Variants in LINGO2 observed in about 807,000 individuals in gnomAD.
LINGO2 encodes the protein leucine rich repeat and Ig domain containing 2, also known as leucine-rich repeat and immunoglobulin-like domain-containing nogo receptor-interacting protein 2.
Under a neutral mutation model 30.6 loss-of-function variants are expected in LINGO2, and 14 were observed. The ratio of observed to expected loss-of-function variants is 0.46; its 90% CI spans 0.30 to 0.72. The LOEUF (loss-of-function observed/expected upper bound fraction) is 0.72, where lower values mean the gene tolerates loss of function less well. Among genes scored for constraint, LINGO2 ranks in the 30% least tolerant of loss-of-function variants. The pLI is 0.07. For missense variants in LINGO2, 729 were observed against 751.7 expected, an observed-to-expected ratio of 0.97 and a Z score of 0.35; for synonymous variants, 317 against 288.5, an observed-to-expected ratio of 1.10 and a Z score of -1.00.
chr9:28,869,782 C>T, the LINGO2 span, among the ~76,000 whole-genome samples: 2 of 151,990 alleles, frequency 1.3e-5, no homozygotes, highest in Non-Finnish European at 2.9e-5. Flanking sequence ...TCCTTCAACA[C>T]TGCAACTCCC....
the LINGO2 span, among the ~76,000 whole-genome samples, chr9:29,045,319 G>C: frequency 1.8e-4 from 28 of 152,196 alleles, no homozygotes; most frequent in Admixed American, 1.7e-3. Flanking sequence ...AAGAGAAATG[G>C]TGGACAAAAG....
At chr9:28,100,753 T>C (rs776937556) in intron 4 of LINGO2, among the ~76,000 whole-genome samples, 6 of 152,320 alleles carry the variant, frequency 3.9e-5, no homozygotes, top group Non-Finnish European at 7.4e-5. Flanking sequence ...TGAATTGTCT[T>C]GCCTTCCTTG....
chr9:28,707,365 C>A, the LINGO2 span, among the ~76,000 whole-genome samples: 1 of 152,036 alleles, frequency 6.6e-6, no homozygotes, highest in South Asian at 2.1e-4. Flanking sequence ...CCCCATTGAC[C>A]ATTAGATAAA....
At chr9:28,233,085 A>G (rs1483726698) in intron 4 of LINGO2, among the ~76,000 whole-genome samples, 2 of 143,022 alleles carry the variant, frequency 1.4e-5, no homozygotes, top group African/African-American at 5.2e-5. Context: ...GATATACAGT[A>G]AACATTTTAA....
At chr9:28,911,366 C>T in the LINGO2 span, among the ~76,000 whole-genome samples, 4 of 151,746 alleles carry the variant, frequency 2.6e-5, no homozygotes, top group Admixed American at 2.0e-4. Context: ...TAAAGAAGCA[C>T]GTTTGACATT....
the LINGO2 span, among the ~76,000 whole-genome samples, chr9:29,088,191 T>C: frequency 2.0e-5 from 3 of 152,130 alleles, no homozygotes; most frequent in South Asian, 2.1e-4. Context: ...GAGTGCAATA[T>C]TGCCTTCAAG....
chr9:29,096,141 C>G, the LINGO2 span, among the ~76,000 whole-genome samples: 1 of 138,128 alleles, frequency 7.2e-6, no homozygotes, highest in Non-Finnish European at 1.6e-5. Context: ...TGGAAGACAG[C>G]ATTTAAAAAA....
chr9:28,847,087 G>A, the LINGO2 span, among the ~76,000 whole-genome samples: 5 of 145,362 alleles, frequency 3.4e-5, no homozygotes, highest in Non-Finnish European at 1.5e-5. Context: ...TAAAGTGAAT[G>A]CTGATGAGAT....
chr9:28,253,601 A>G (rs752809201), intron 4 of LINGO2, among the ~76,000 whole-genome samples: 21 of 152,132 alleles, frequency 1.4e-4, no homozygotes, highest in Non-Finnish European at 2.8e-4. Context: ...TGTTAAATGA[A>G]AAAAAGTCTT....
At chr9:28,888,226 A>G in the LINGO2 span, among the ~76,000 whole-genome samples, 2 of 152,040 alleles carry the variant, frequency 1.3e-5, no homozygotes, top group Admixed American at 6.6e-5. Context: ...TGAATTTGTC[A>G]CTCTTGTTAA....
intron 3 of LINGO2, among the ~76,000 whole-genome samples, chr9:28,344,066 C>T (rs1819469216): frequency 6.6e-6 from 1 of 152,054 alleles, no homozygotes; most frequent in Non-Finnish European, 1.5e-5. Flanking sequence ...AACTACTGGG[C>T]CCCTCTAGGC....
chr9:29,019,657 T>C, the LINGO2 span, among the ~76,000 whole-genome samples: 1 of 152,216 alleles, frequency 6.6e-6, no homozygotes, highest in Non-Finnish European at 1.5e-5. Context: ...TGTCACTACA[T>C]AGCGACTGGC....
intron 2 of LINGO2, among the ~76,000 whole-genome samples, chr9:28,441,288 T>TTTTTTC (rs1824187639): frequency 8.5e-6 from 1 of 117,878 alleles, no homozygotes; most frequent in Non-Finnish European, 1.7e-5. Flanking sequence ...TTTTTTTTTT[T>TTTTTTC]TGGTGAATTA....
At chr9:28,441,251 CTTTTTTTTTTTTTTTTTTTTTTTTT>C (rs72213590) in intron 2 of LINGO2, among the ~76,000 whole-genome samples, 2 of 36,262 alleles carry the variant, frequency 5.5e-5, no homozygotes, top group Admixed American at 4.6e-4. Flanking sequence ...TCATTGGAGG[CTTTTTTTTTTTTTTTTTTTTTTTTT>C]TTTTTTTTTT....
intron 1 of LINGO2, among the ~76,000 whole-genome samples, chr9:28,495,220 A>C (rs1353031667): frequency 6.6e-6 from 1 of 152,098 alleles, no homozygotes; most frequent in Non-Finnish European, 1.5e-5. Flanking sequence ...CTTTAGTTTA[A>C]TTAGATCCCA....
chr9:28,287,343 C>T (rs1033844340), intron 4 of LINGO2, among the ~76,000 whole-genome samples: 1 of 152,190 alleles, frequency 6.6e-6, no homozygotes, highest in Admixed American at 6.5e-5. Flanking sequence ...TGTGCTCCAG[C>T]TCATTAGAGG....
intron 1 of LINGO2, among the ~76,000 whole-genome samples, chr9:28,652,766 T>G (rs867726899): frequency 1.3e-5 from 2 of 151,610 alleles, no homozygotes; most frequent in South Asian, 4.2e-4. Context: ...CCATGTATGG[T>G]GGAGGAAGGA....
At chr9:28,398,561 G>A (rs987473494) in intron 2 of LINGO2, among the ~76,000 whole-genome samples, 1 of 151,918 alleles carries the variant, frequency 6.6e-6, no homozygotes, top group Non-Finnish European at 1.5e-5. Context: ...AGCAATATAG[G>A]TAAAGAGAAA....
chr9:28,245,527 T>C (rs894176778), intron 4 of LINGO2, among the ~76,000 whole-genome samples: 5 of 152,154 alleles, frequency 3.3e-5, no homozygotes, highest in African/African-American at 9.7e-5. Context: ...TGTTTGCAGA[T>C]GACGTGATCC....
Sources: allele counts gnomAD v4.1 joint callset (sites outside exome capture counted in the v4.1 genomes callset), GRCh38; gene constraint gnomAD v4.1.1; transcripts MANE v1.5; gene names NCBI Gene and HGNC (gene_info 2026-07-23, HGNC 2026-07-21).